Variants in NTRK2 observed in about 807,000 individuals in gnomAD.
The protein encoded by NTRK2 is neurotrophic receptor tyrosine kinase 2, also known as BDNF/NT-3 growth factors receptor.
NTRK2 carries 13 observed loss-of-function variants against 94.5 expected under a neutral mutation model. The observed-to-expected ratio is 0.14, with a 90% CI of 0.09 to 0.22. NTRK2 has a LOEUF of 0.22. Among genes scored for constraint, NTRK2 ranks in the 10% least tolerant of loss-of-function variants. The probability of loss-of-function intolerance (pLI) is 1.00; values close to 1 mark genes in which losing one functional copy is unlikely to be tolerated. For synonymous variants in NTRK2, 372 were observed against 407.4 expected (o/e 0.91, Z 1.05); for missense variants, 639 against 1,071.2 (o/e 0.60, Z 5.63).
intron 12 of NTRK2, chr9:84,815,523 T>G (rs1427492133): frequency 9.8e-7 from 1 of 1,023,292 alleles, no homozygotes; most frequent in African/African-American, 1.7e-5. Context: ...GCCCTGTTTT[T>G]TTTTTTTTTT....
intron 17 of NTRK2, among the ~76,000 whole-genome samples, chr9:84,964,620 A>C (rs995255454): frequency 1.3e-5 from 2 of 151,612 alleles, no homozygotes; most frequent in African/African-American, 4.9e-5. Flanking sequence ...ATCTCCCCAG[A>C]CTCTCAGCTC....
chr9:84,721,456 G>A (rs771916626), intron 6 of NTRK2, among the ~76,000 whole-genome samples: 1 of 152,128 alleles, frequency 6.6e-6, no homozygotes, highest in Non-Finnish European at 1.5e-5. Flanking sequence ...GATTACAGGC[G>A]TGAGCCACTG....
intron 14 of NTRK2, among the ~76,000 whole-genome samples, chr9:84,880,068 C>G (rs1013850240): frequency 3.3e-5 from 5 of 151,958 alleles, no homozygotes; most frequent in African/African-American, 1.2e-4. Context: ...TTTTCTTTTG[C>G]CAAGCCCTCT....
At position 84,707,985 on chromosome 9, in the gene NTRK2, A is replaced by G. The variant is rs2061210665; in HGVS notation, c.428+73A>G. The stretch of plus-strand genomic sequence containing the variant: ...GGGGTAATTAAGTATTTTTCTTTTA[A>G]TGAGTGATGTTGCAGATCTATTTTT... On this transcript the variant is annotated intron_variant, in intron 5 of 18. Coordinates refer to ENST00000277120, the MANE Select transcript of NTRK2 (RefSeq NM_006180.6). 6.7e-6 allele frequency: 8 copies of G among 1,187,794 alleles called. No homozygotes were observed. In the African/African-American group the frequency reaches 7.5e-5, roughly 11 times the overall value. 73.6% of individuals were successfully genotyped at this position (1,187,794 alleles called of 1,614,324 possible).
intron 12 of NTRK2, among the ~76,000 whole-genome samples, chr9:84,819,965 A>T (rs1423771378): frequency 6.6e-6 from 1 of 152,098 alleles, no homozygotes; most frequent in Non-Finnish European, 1.5e-5. Flanking sequence ...CATATGTTAT[A>T]TTCTTTAATG....
chr9:84,808,199 A>T (rs757691167), intron 12 of NTRK2, among the ~76,000 whole-genome samples: 4 of 152,200 alleles, frequency 2.6e-5, no homozygotes, highest in Non-Finnish European at 5.9e-5. Flanking sequence ...TAGAACCGTC[A>T]TCTGGCAAAG....
chr9:84,895,646 A>T (rs189427854), intron 14 of NTRK2, among the ~76,000 whole-genome samples: 2 of 152,346 alleles, frequency 1.3e-5, no homozygotes, highest in African/African-American at 4.8e-5. Context: ...ATGGCATTCA[A>T]TTATGGGCAT....
chr9:84,975,602 G>C (rs903656544), intron 17 of NTRK2, among the ~76,000 whole-genome samples: 3 of 152,166 alleles, frequency 2.0e-5, no homozygotes, highest in Non-Finnish European at 4.4e-5. Context: ...TTAAGGATGT[G>C]ACGTTATTAC....
At chr9:84,879,807 T>TC (rs778922070) in intron 14 of NTRK2, among the ~76,000 whole-genome samples, 1 of 152,058 alleles carries the variant, frequency 6.6e-6, no homozygotes, top group Non-Finnish European at 1.5e-5. Flanking sequence ...GGTGATCAAG[T>TC]ATGCTGGGGT....
At position 84,727,895 on chromosome 9, in the gene NTRK2, T is replaced by C; in HGVS notation, c.1095T>C (p.Asn365=). Residue 365 remains asparagine (N), a synonymous_variant, in exon 9 of 19, where the codon AAT becomes AAC. Transcript: ENST00000277120. ...NNGDYTLIAK[N]EYGKDEKQIS... is the part of the protein sequence containing the mutation. ...GGGACTACACTCTAATAGCCAAGAA[T>C]GAGTATGGGAAGGATGAGAAACAGA... The C allele has an allele frequency of 1.2e-5, 19 of 1,614,066 alleles. No individual in the cohort carries two copies. The highest frequency in any genetic ancestry group is 1.6e-5 in the Non-Finnish European group (19 of 1,179,936).
At chr9:84,797,713 AATAT>A (rs1258481231) in intron 12 of NTRK2, among the ~76,000 whole-genome samples, 1 of 74,070 alleles carries the variant, frequency 1.4e-5, no homozygotes, top group South Asian at 2.9e-4. Context: ...ATACTATAAT[AATAT>A]ATATATTATA....
At chr9:84,725,062 A>T (rs2132041637) in intron 8 of NTRK2, among the ~76,000 whole-genome samples, 1 of 152,304 alleles carries the variant, frequency 6.6e-6, no homozygotes. Flanking sequence ...CTATATAGAC[A>T]CTTCACGTCA....
intron 14 of NTRK2, among the ~76,000 whole-genome samples, chr9:84,898,890 T>TG (rs2076842723): frequency 6.6e-6 from 1 of 152,044 alleles, no homozygotes; most frequent in African/African-American, 2.4e-5. Flanking sequence ...TTAGTAGAGA[T>TG]GGGGTTTCAC....
intron 12 of NTRK2, among the ~76,000 whole-genome samples, chr9:84,818,250 G>A (rs556654739): frequency 6.6e-6 from 1 of 152,200 alleles, no homozygotes; most frequent in Non-Finnish European, 1.5e-5. Context: ...TAAAGCTGGT[G>A]CTCCGTATGT....
In NTRK2 at chr9:84,816,012, T is replaced by C. The variant is rs557170776; in HGVS notation, c.1397-45028T>C. Among the ~76,000 whole-genome samples the C allele has an allele frequency of 5.3e-5, 8 of 151,358 alleles. No individual in the cohort carries two copies. In the East Asian group the frequency reaches 1.2e-3, roughly 22 times the overall value. On this transcript the variant is annotated intron_variant, in intron 12 of 18. Transcript: ENST00000277120. Reference sequence around the variant, plus strand: ...CCTTAAAAAAAAAAAAAAAAACTTATGCGAATTTTTTTTAAAAACCCTAAA... The same window carrying C: ...CCTTAAAAAAAAAAAAAAAAACTTACGCGAATTTTTTTTAAAAACCCTAAA...
At chr9:84,830,572 T>C (rs2073482946) in intron 12 of NTRK2, among the ~76,000 whole-genome samples, 1 of 151,992 alleles carries the variant, frequency 6.6e-6, no homozygotes, top group Non-Finnish European at 1.5e-5. Context: ...TGATTTTGGC[T>C]TAATTTTTCT....
chr9:84,758,136 A>G (rs759727866), intron 12 of NTRK2, among the ~76,000 whole-genome samples: 6 of 151,716 alleles, frequency 4.0e-5, no homozygotes, highest in Non-Finnish European at 5.9e-5. Context: ...TTATATATAT[A>G]TATTTATTTA....
chr9:84,719,106 T>TGA (rs1457010815), intron 6 of NTRK2, among the ~76,000 whole-genome samples: 1 of 152,184 alleles, frequency 6.6e-6, no homozygotes, highest in Non-Finnish European at 1.5e-5. Context: ...TAAATACCAC[T>TGA]TTATCAGTGG....
At chr9:84,877,119 G>A in intron 14 of NTRK2, 1 of 1,064,824 alleles carries the variant, frequency 9.4e-7, no homozygotes, top group Middle Eastern at 4.2e-4. Flanking sequence ...TTCCTTCTCG[G>A]ATTGTGTATA....
Sources: allele counts gnomAD v4.1 joint callset (sites outside exome capture counted in the v4.1 genomes callset), GRCh38; gene constraint gnomAD v4.1.1; transcripts MANE v1.5; gene names NCBI Gene and HGNC (gene_info 2026-07-23, HGNC 2026-07-21).